ATXN3: variants seen among roughly 807,000 people sequenced by gnomAD.
The protein encoded by ATXN3 is ataxin 3, also known as ataxin-3.
ATXN3 carries 28 observed loss-of-function variants against 58.2 expected under a neutral mutation model. The ratio of observed to expected loss-of-function variants is 0.48; its 90% confidence interval spans 0.36 to 0.66. The LOEUF (loss-of-function observed/expected upper bound fraction) is 0.66. ATXN3 is among the 30% of genes least tolerant of loss of function. ATXN3 has a pLI of 0.00. For synonymous variants in ATXN3, 113 were observed against 138.5 expected (o/e 0.82, Z 1.29); for missense variants, 321 against 422.1 (o/e 0.76, Z 2.10).
chr14:92,069,018 C>T (rs930486350), intron 10 of ATXN3, among the ~76,000 whole-genome samples: 5 of 151,642 alleles, frequency 3.3e-5, no homozygotes, highest in African/African-American at 4.8e-5. Flanking sequence ...CATTCATTAA[C>T]TAAATGAAGG....
At chr14:92,045,428 T>C (rs1476094107) in intron 2 of ATXN3, among the ~76,000 whole-genome samples, 1 of 152,134 alleles carries the variant, frequency 6.6e-6, no homozygotes, top group East Asian at 1.9e-4. Flanking sequence ...TCAGACCCTG[T>C]GGGAAAGGCC....
At chr14:92,098,084 G>T (rs1044018968) in intron 1 of ATXN3, among the ~76,000 whole-genome samples, 1 of 151,892 alleles carries the variant, frequency 6.6e-6, no homozygotes, top group African/African-American at 2.4e-5. Context: ...GTTCATTCTT[G>T]GAGATTCTAC....
intron 1 of ATXN3, among the ~76,000 whole-genome samples, chr14:92,098,994 G>A (rs1400838787): frequency 2.0e-5 from 3 of 152,086 alleles, no homozygotes; most frequent in African/African-American, 4.8e-5. Flanking sequence ...CCTCCTCCCC[G>A]CAACAGTGTA....
intron 6 of ATXN3, among the ~76,000 whole-genome samples, chr14:92,086,356 A>G (rs933313964): frequency 1.3e-5 from 2 of 151,370 alleles, no homozygotes; most frequent in Admixed American, 6.6e-5. Context: ...TGAGGTCAGG[A>G]GTTGGAGACC....
chr14:92,082,473 A>T lies in ATXN3; in HGVS notation c.609-7T>A. The T allele has an allele frequency of 6.2e-7, 1 of 1,608,864 alleles. No individual in the cohort carries two copies. The highest frequency in any genetic ancestry group is 8.5e-7 in the Non-Finnish European group (1 of 1,176,468). ...CAGGTCTGTTTTATGGACTCTAAAG[A>T]ACAAAAGCACTGGTAATAACTGCAA... On this transcript the variant is annotated splice_polypyrimidine_tract_variant and splice_region_variant and intron_variant, in intron 7 of 10. Transcript: ENST00000644486.
intron 10 of ATXN3, among the ~76,000 whole-genome samples, chr14:92,068,803 C>A (rs1274033275): frequency 6.6e-6 from 1 of 151,996 alleles, no homozygotes; most frequent in Non-Finnish European, 1.5e-5. Flanking sequence ...TTGGTCAGAC[C>A]GGTCTTGAAC....
chr14:92,073,994 C>A (rs1209674247), intron 9 of ATXN3, among the ~76,000 whole-genome samples: 6 of 125,942 alleles, frequency 4.8e-5, no homozygotes, highest in Admixed American at 9.9e-5. Flanking sequence ...GTCTGGGCAA[C>A]AGAGTGAGAC....
chr14:92,105,919 T>C (rs981058125), intron 1 of ATXN3, among the ~76,000 whole-genome samples: 3 of 152,270 alleles, frequency 2.0e-5, no homozygotes, highest in African/African-American at 7.2e-5. Context: ...GACTTCCCTG[T>C]TTAGGGGCAC....
At chr14:92,058,038 T>A (rs2057494217), downstream of ATXN3, among the ~76,000 whole-genome samples, 1 of 152,264 alleles carries the variant, frequency 6.6e-6, no homozygotes, top group South Asian at 2.1e-4. Context: ...AAAAATATAT[T>A]TCAAATAAAA....
At chr14:92,069,104 G>GTT (rs2058969757) in intron 10 of ATXN3, among the ~76,000 whole-genome samples, 2 of 120,338 alleles carry the variant, frequency 1.7e-5, no homozygotes, top group African/African-American at 3.4e-5. Context: ...TTGAGAAGGA[G>GTT]TTTTGGTCTT....
rs2058002012 is a variant in ATXN3 at position 92,064,360 on chromosome 14, T to C, written c.1046A>G (p.Glu349Gly). 1.2e-6 allele frequency: 2 copies of C among 1,613,198 alleles called. No homozygotes were observed. The highest frequency in any genetic ancestry group is 2.7e-5 in the African/African-American group (2 of 74,912). Residue 349 changes from glutamate to glycine, a missense_variant, in exon 11 of 11, where the codon GAA (glutamate) becomes GGA (glycine). Physicochemically the swap from Glu to Gly is moderately conservative, Grantham distance 98. This residue lies in a region of ATXN3 where 200 missense variants were observed against 223.2 expected (regional missense o/e 0.90). Coordinates refer to ENST00000644486, the MANE Select transcript of ATXN3 (RefSeq NM_004993.6). ...TGTTTTCAAATCATTTCTGACAGTT[T>C]CTAAAGACATGGTCACAGCTGCCTG... Reference protein sequence around the residue: ...MLQAAVTMSLETVRNDLKTEG... With the variant: ...MLQAAVTMSLGTVRNDLKTEG...
chr14:92,105,308 C>T (rs1264339183), intron 1 of ATXN3, among the ~76,000 whole-genome samples: 1 of 152,004 alleles, frequency 6.6e-6, no homozygotes. Flanking sequence ...CCCAGCTACT[C>T]TGGAGGCAGA....
In ATXN3 at chr14:92,087,842, TG is replaced by T. The variant is rs142622052; in HGVS notation, c.475+887del. 6.2e-3 allele frequency among the ~76,000 whole-genome samples: 948 copies of T among 152,284 alleles called. 10 individuals are homozygous for T. Among genetic ancestry groups the T allele is most frequent in the African/African-American group, 0.022 (928 of 41,548 alleles). On this transcript the variant is annotated intron_variant, in intron 6 of 10. Transcript: ENST00000644486. ...TATGCTTGCAATTGAGATTTGACAG[TG>T]GTTATGATTACTGGTAATAGCTAAG...
chr14:92,105,977 G>C (rs570686151), intron 1 of ATXN3, among the ~76,000 whole-genome samples: 1 of 152,256 alleles, frequency 6.6e-6, no homozygotes, highest in African/African-American at 2.4e-5. Context: ...TACAGTGGGC[G>C]AGCCAAGGTC....
At chr14:92,081,191 G>T in intron 8 of ATXN3, 130 bp from the exon 9 acceptor site, 1 of 615,470 alleles carries the variant, frequency 1.6e-6, no homozygotes, top group Non-Finnish European at 2.8e-6. Context: ...TACTCTTCTG[G>T]CTGGGCGTGG....
intron 1 of ATXN3, among the ~76,000 whole-genome samples, chr14:92,104,655 G>A (rs993642077): frequency 6.6e-6 from 1 of 152,188 alleles, no homozygotes; most frequent in Non-Finnish European, 1.5e-5. Flanking sequence ...GCCGGGTGCG[G>A]TGGCTCACGC....
At chr14:92,105,280 G>A (rs1232037446) in intron 1 of ATXN3, among the ~76,000 whole-genome samples, 3 of 152,110 alleles carry the variant, frequency 2.0e-5, no homozygotes. Context: ...CCTGGCCCTG[G>A]CGATATGCAC....
intron 1 of ATXN3, 126 bp downstream of exon 1, chr14:92,106,403 C>A (rs2068413621): frequency 1.6e-6 from 2 of 1,257,090 alleles, no homozygotes. Flanking sequence ...GCGGCGTCGC[C>A]CCTCGCCGGG....
downstream of ATXN3, among the ~76,000 whole-genome samples, chr14:92,053,884 C>T (rs1488004078): frequency 2.0e-5 from 3 of 152,044 alleles, no homozygotes; most frequent in Non-Finnish European, 4.4e-5. Context: ...CCATGGAAGC[C>T]ATGTACATAA....
Sources: allele counts gnomAD v4.1 joint callset (sites outside exome capture counted in the v4.1 genomes callset), GRCh38; gene constraint gnomAD v4.1.1; regional missense constraint gnomAD v4.1.1; transcripts MANE v1.5; gene names NCBI Gene and HGNC (gene_info 2026-07-23, HGNC 2026-07-21).